Variants in GPR158 observed in about 807,000 individuals in gnomAD.
GPR158 encodes G protein-coupled receptor 158, also known as metabotropic glycine receptor.
In GPR158, 30 loss-of-function variants were observed where a neutral mutation model predicts 78.2. That is an observed-to-expected ratio of 0.38 (90% CI 0.29 to 0.52). The LOEUF is 0.52. GPR158 is among the 20% of genes least tolerant of loss of function. The pLI is 0.83. For missense variants in GPR158, 1,463 were observed against 1,523.5 expected (o/e 0.96, Z 0.66); for synonymous variants, 581 against 591.1 (o/e 0.98, Z 0.25).
intron 2 of GPR158, among the ~76,000 whole-genome samples, chr10:25,296,464 CATCT>C (rs1854515281): frequency 1.1e-5 from 1 of 87,320 alleles, no homozygotes; most frequent in African/African-American, 3.0e-5. Flanking sequence ...GTTGGTCTAT[CATCT>C]GTCTGTCTTT....
rs67847605 is a variant in GPR158 at position 25,314,862 on chromosome 10, CAT to C, written c.1009-81026_1009-81025del. Reference sequence around the variant, plus strand: ...ACACGTATATACATACACACACTGTCATATATATATATATATATATATATGAC... The same window carrying C: ...ACACGTATATACATACACACACTGTCATATATATATATATATATATATGAC... On this transcript the variant is annotated intron_variant, in intron 2 of 10. Transcript: ENST00000376351. 8.5e-3 allele frequency among the ~76,000 whole-genome samples: 947 copies of C among 111,328 alleles called. 23 individuals carry two copies. The highest frequency in any genetic ancestry group is 0.056 in the East Asian group (211 of 3,794). 73.0% of individuals were successfully genotyped at this position (111,328 alleles called of 152,430 possible).
At chr10:25,374,476 A>G (rs925840992) in intron 2 of GPR158, among the ~76,000 whole-genome samples, 2 of 151,750 alleles carry the variant, frequency 1.3e-5, no homozygotes, top group Non-Finnish European at 2.9e-5. Flanking sequence ...ATTTTATCAC[A>G]AATGTAGGTT....
intron 1 of GPR158, among the ~76,000 whole-genome samples, chr10:25,181,901 A>G (rs1014819513): frequency 2.6e-5 from 4 of 151,662 alleles, no homozygotes; most frequent in Admixed American, 6.6e-5. Context: ...CAGTTTTAGT[A>G]GAGATGGGGT....
At chr10:25,193,013 A>C (rs1048589772) in intron 1 of GPR158, among the ~76,000 whole-genome samples, 3 of 152,298 alleles carry the variant, frequency 2.0e-5, no homozygotes, top group African/African-American at 7.2e-5. Flanking sequence ...AGATGTATTA[A>C]ATACATTTTC....
intron 2 of GPR158, among the ~76,000 whole-genome samples, chr10:25,390,004 T>G (rs1834272106): frequency 6.6e-6 from 1 of 152,170 alleles, no homozygotes; most frequent in South Asian, 2.1e-4. Context: ...GTCATGAGAT[T>G]TGATGGTTTT....
At chr10:25,382,868 G>A (rs1022766081) in intron 2 of GPR158, among the ~76,000 whole-genome samples, 6 of 151,564 alleles carry the variant, frequency 4.0e-5, no homozygotes, top group African/African-American at 4.8e-5. Context: ...GTCTCACACT[G>A]TCGCCCAGGC....
chr10:25,349,916 C>T (rs1163926914), intron 2 of GPR158, among the ~76,000 whole-genome samples: 2 of 151,898 alleles, frequency 1.3e-5, no homozygotes, highest in Admixed American at 6.6e-5. Flanking sequence ...AAAGGAAAGC[C>T]GTACTTGACA....
At chr10:25,386,431 C>G (rs1834222722) in intron 2 of GPR158, among the ~76,000 whole-genome samples, 1 of 152,000 alleles carries the variant, frequency 6.6e-6, no homozygotes, top group Non-Finnish European at 1.5e-5. Flanking sequence ...GCTTGGGATT[C>G]CATATAAGTT....
At chr10:25,526,337 C>T (rs948897424) in intron 5 of GPR158, among the ~76,000 whole-genome samples, 3 of 151,966 alleles carry the variant, frequency 2.0e-5, no homozygotes, top group South Asian at 2.1e-4. Context: ...TTGCAGAGGG[C>T]GCTCCCAGTT....
intron 2 of GPR158, among the ~76,000 whole-genome samples, chr10:25,283,022 A>G (rs1408446051): frequency 3.3e-5 from 5 of 152,100 alleles, no homozygotes; most frequent in Non-Finnish European, 4.4e-5. Context: ...CTGACCTCAT[A>G]AAATGACTGG....
chr10:25,523,028 C>T (rs952202104), intron 5 of GPR158, among the ~76,000 whole-genome samples: 2 of 152,164 alleles, frequency 1.3e-5, no homozygotes, highest in Admixed American at 1.3e-4. Flanking sequence ...GTCAGAGTAA[C>T]TGGTTAAGGC....
intron 8 of GPR158, among the ~76,000 whole-genome samples, chr10:25,593,446 T>C (rs1300195089): frequency 2.6e-5 from 4 of 152,100 alleles, no homozygotes; most frequent in Non-Finnish European, 2.9e-5. Flanking sequence ...ATTGTAATTC[T>C]CTAATTTCAA....
intron 2 of GPR158, among the ~76,000 whole-genome samples, chr10:25,263,141 G>A (rs1304628216): frequency 2.0e-5 from 3 of 152,146 alleles, no homozygotes; most frequent in Admixed American, 6.5e-5. Context: ...GGTTGCTTAT[G>A]TTATCCTCAA....
At chr10:25,201,329 T>C (rs1414347038) in intron 1 of GPR158, among the ~76,000 whole-genome samples, 1 of 152,004 alleles carries the variant, frequency 6.6e-6, no homozygotes, top group Non-Finnish European at 1.5e-5. Context: ...TATAGGAATA[T>C]TAGGTTTTTG....
intron 5 of GPR158, among the ~76,000 whole-genome samples, chr10:25,550,117 T>C (rs1836709297): frequency 6.6e-6 from 1 of 152,188 alleles, no homozygotes; most frequent in Non-Finnish European, 1.5e-5. Context: ...TCTTGCACGT[T>C]ATCTGTTCAC....
chr10:25,283,142 C>T (rs113846407), intron 2 of GPR158, among the ~76,000 whole-genome samples: 1,996 of 152,054 alleles, frequency 0.013, 34 homozygotes, highest in South Asian at 0.058. Flanking sequence ...GAGCTGAGGT[C>T]TTCTTTGTTG....
At chr10:25,192,764 TAA>T (rs35751694) in intron 1 of GPR158, among the ~76,000 whole-genome samples, 4 of 133,254 alleles carry the variant, frequency 3.0e-5, no homozygotes, top group Non-Finnish European at 6.7e-5. Context: ...TGAAGTATAA[TAA>T]AAAAAAGGTA....
chr10:25,201,626 T>C (rs1467099722), intron 1 of GPR158, among the ~76,000 whole-genome samples: 1 of 152,064 alleles, frequency 6.6e-6, no homozygotes, highest in Non-Finnish European at 1.5e-5. Context: ...GGCTGTGTCA[T>C]ACATGGCACT....
chr10:25,361,800 C>T (rs937669096), intron 2 of GPR158, among the ~76,000 whole-genome samples: 1 of 151,830 alleles, frequency 6.6e-6, no homozygotes, highest in South Asian at 2.1e-4. Flanking sequence ...TTTGATACTT[C>T]GTTGTTGAGT....
Sources: allele counts gnomAD v4.1 joint callset (sites outside exome capture counted in the v4.1 genomes callset), GRCh38; gene constraint gnomAD v4.1.1; transcripts MANE v1.5; gene names NCBI Gene and HGNC (gene_info 2026-07-23, HGNC 2026-07-21).